The following EVC2 variants were observed in gnomAD, a reference collection of about 807,000 sequenced individuals.
The protein encoded by EVC2 is limbin.
In EVC2, 148 loss-of-function variants were observed where a neutral mutation model predicts 149.3. The observed-to-expected ratio is 0.99, with a 90% CI of 0.87 to 1.14. EVC2 has a LOEUF of 1.14. Ranked by LOEUF, EVC2 falls within the 50% of genes most tolerant of loss-of-function variation. The pLI is 0.00. For synonymous variants in EVC2, 776 were observed against 649.9 expected (o/e 1.19, Z -2.95); for missense variants, 1,854 against 1,627.3 (o/e 1.14, Z -2.40).
chr4:5,592,329 C>T (rs938651854), intron 16 of EVC2, among the ~76,000 whole-genome samples: 1 of 152,196 alleles, frequency 6.6e-6, no homozygotes, highest in Non-Finnish European at 1.5e-5. Flanking sequence ...TCACAAATGC[C>T]CTCCTTGGAG....
intron 9 of EVC2, among the ~76,000 whole-genome samples, chr4:5,647,226 T>C (rs980448086): frequency 6.6e-6 from 1 of 152,140 alleles, no homozygotes; most frequent in African/African-American, 2.4e-5. Flanking sequence ...TCAAGCCTTC[T>C]GGGTAGATGA....
At chr4:5,678,050 C>T (rs573276777) in intron 7 of EVC2, among the ~76,000 whole-genome samples, 1 of 152,332 alleles carries the variant, frequency 6.6e-6, no homozygotes, top group African/African-American at 2.4e-5. Flanking sequence ...TTAACATCTC[C>T]AGCCAGAGAC....
At chr4:5,594,079 G>T (rs1713127121) in intron 16 of EVC2, among the ~76,000 whole-genome samples, 1 of 152,172 alleles carries the variant, frequency 6.6e-6, no homozygotes, top group Non-Finnish European at 1.5e-5. Flanking sequence ...AGCTCAAACT[G>T]GGTGGAGCCC....
intron 21 of EVC2, among the ~76,000 whole-genome samples, chr4:5,564,656 T>C (rs1722156075): frequency 6.6e-6 from 1 of 152,244 alleles, no homozygotes; most frequent in Non-Finnish European, 1.5e-5. Flanking sequence ...CCACATCTTC[T>C]CTAGCTGGAA....
rs187801119 is a variant in EVC2, at chr4:5,576,986, G to A, written c.3058-532C>T. 6.6e-6 allele frequency among the ~76,000 whole-genome samples: 1 copy of A among 152,292 alleles called. No individual in the cohort carries two copies. The highest frequency in any genetic ancestry group is 6.5e-5 in the Admixed American group (1 of 15,300). ...TATGGTGGGGTATCTGCATGCACCC[G>A]GCATGGACGAAAGCCAGGCTGGAAC... On this transcript the variant is annotated intron_variant, in intron 17 of 21. Transcript: ENST00000344408. The surrounding 1 kb of genome is among the most constrained non-coding windows in gnomAD (Gnocchi z 4.5).
chr4:5,563,101 G>A lies in EVC2; in HGVS notation c.3674C>T (p.Thr1225Ile). ...CATCCTCTCTCTGAGAGGGAGACAT[G>A]TCTTCTTTAATATGCTAAAGAAATA... ...RKRKQSILKK[T>I]CLPLRERMIF... The change falls in exon 22 of 22, where the codon ACA becomes ATA. Residue 1225 changes from threonine (T) to isoleucine (I), a missense_variant. Transcript: ENST00000344408. 3 of 1,613,840 alleles carry A rather than the reference G, an allele frequency of 1.9e-6. No individual in the cohort carries two copies. The highest frequency in any genetic ancestry group is 2.5e-6 in the Non-Finnish European group (3 of 1,179,996).
chr4:5,701,310 C>A (rs1721811561), intron 1 of EVC2, among the ~76,000 whole-genome samples: 1 of 152,194 alleles, frequency 6.6e-6, no homozygotes, highest in Admixed American at 6.5e-5. Context: ...ATCAGTTGAT[C>A]AGCAACCTGA....
At chr4:5,675,243 T>C (rs1456756252) in intron 7 of EVC2, among the ~76,000 whole-genome samples, 4 of 152,238 alleles carry the variant, frequency 2.6e-5, no homozygotes, top group African/African-American at 9.6e-5. Flanking sequence ...TGCAACTATG[T>C]GTACCTAAAT....
At chr4:5,645,508 G>A (rs377412580) in intron 9 of EVC2, among the ~76,000 whole-genome samples, 35 of 152,048 alleles carry the variant, frequency 2.3e-4, no homozygotes, top group Admixed American at 3.9e-4. Flanking sequence ...GAGAATACGC[G>A]GTGTTTGGTT....
chr4:5,593,640 G>A (rs6854065), intron 16 of EVC2, among the ~76,000 whole-genome samples: 43,093 of 152,052 alleles, frequency 0.28, 6,931 homozygotes, highest in East Asian at 0.61. Context: ...CAGCGTGAGC[G>A]ACGCACAAGA....
chr4:5,663,373 C>G, intron 8 of EVC2, 127 bp from the exon 9 acceptor site: 4 of 1,260,220 alleles, frequency 3.2e-6, no homozygotes, highest in Non-Finnish European at 4.6e-6. Context: ...ACTGTGACCA[C>G]AGTAAACCCA....
chr4:5,601,594 G>C (rs946160436), intron 16 of EVC2, among the ~76,000 whole-genome samples: 13 of 151,538 alleles, frequency 8.6e-5, no homozygotes, highest in Admixed American at 3.3e-4. Context: ...TTAGAGAATA[G>C]GAGATGTAAT....
chr4:5,694,546 G>GT, intron 2 of EVC2, 45 bp from the exon 3 acceptor site: 1 of 1,611,212 alleles, frequency 6.2e-7, no homozygotes, highest in Non-Finnish European at 8.5e-7. Flanking sequence ...CGGAAAGACA[G>GT]TAAGACATAG....
chr4:5,698,944 G>A (rs573814271), intron 1 of EVC2, among the ~76,000 whole-genome samples: 3 of 152,320 alleles, frequency 2.0e-5, no homozygotes, highest in South Asian at 2.1e-4. Context: ...CAGACACCAC[G>A]GAAACCATAA....
intron 16 of EVC2, 134 bp from the exon 17 acceptor site, chr4:5,584,984 G>A: frequency 1.1e-6 from 1 of 949,272 alleles, no homozygotes; most frequent in Non-Finnish European, 1.6e-6. Flanking sequence ...GAGACGCACT[G>A]GGAACCTGCA....
rs113578727 is a variant in EVC2, at chr4:5,645,743, G to C, written c.1146-4905C>G. On this transcript the variant is annotated intron_variant, in intron 9 of 21. Coordinates refer to ENST00000344408, the MANE Select transcript of EVC2 (RefSeq NM_147127.5). ...AATATACATGTGTATGTGTCTTTAC[G>C]ACAGAATGATTTATAGTCCTTTGGG... 7.3e-3 allele frequency among the ~76,000 whole-genome samples: 1,117 copies of C among 152,196 alleles called. 16 individuals carry two copies. Among genetic ancestry groups the C allele is most frequent in the African/African-American group, 0.026 (1,060 of 41,536 alleles).
intron 9 of EVC2, among the ~76,000 whole-genome samples, chr4:5,660,727 T>A (rs1353254673): frequency 2.0e-5 from 3 of 152,126 alleles, no homozygotes; most frequent in African/African-American, 7.2e-5. Flanking sequence ...CATGACAGTA[T>A]CAAAAGGCTC....
Position 5,567,952 on chromosome 4 carries a change from CG to C in EVC2, c.3557+491del, listed in dbSNP as rs1172756789. Among the ~76,000 whole-genome samples, 1 of 152,228 alleles carries C rather than the reference CG, an allele frequency of 6.6e-6. No individual in the cohort carries two copies. Among genetic ancestry groups the C allele is most frequent in the African/African-American group, 2.4e-5 (1 of 41,452 alleles). The stretch of plus-strand genomic sequence containing the variant: ...AGCGTTAAAAGGTAAGGAGCAAAAT[CG>C]CTTCTGCTGTAAGATTCTGAAATGC... On this transcript the variant is annotated intron_variant, in intron 20 of 21. Coordinates refer to ENST00000344408, the MANE Select transcript of EVC2 (RefSeq NM_147127.5). This position sits in a 1 kb window ranked among gnomAD's most constrained non-coding sequence, Gnocchi z 4.4.
At position 5,640,825 on chromosome 4, in the gene EVC2, T is replaced by C. The variant is rs1206648663; in HGVS notation, c.1159A>G (p.Thr387Ala). 6.2e-7 allele frequency: 1 copy of C among 1,614,128 alleles called. No individual in the cohort carries two copies. Among genetic ancestry groups the C allele is most frequent in the Admixed American group, 1.7e-5 (1 of 60,022 alleles). Residue 387 changes from threonine to alanine, a missense_variant, in exon 10 of 22, where the codon ACC (threonine) becomes GCC (alanine). By Grantham distance (58) the Thr-to-Ala change is moderately conservative. Transcript: ENST00000344408. The surrounding 1 kb of genome is among the most constrained non-coding windows in gnomAD (Gnocchi z 4.6). ...LQALEELEIA[T>A]LNRADADLEA... ...AGATCTGCATCTGCCCGATTCAGGG[T>C]TGCAATCTCCAACCTAGGAAACACA...
Sources: gnomAD v4.1 joint callset for allele counts (sites outside exome capture counted in the v4.1 genomes callset) on GRCh38, gnomAD v4.1.1 for gene constraint, Gnocchi (gnomAD v3.1) non-coding constraint, MANE v1.5 for transcripts, NCBI Gene and HGNC (gene_info 2026-07-23, HGNC 2026-07-21) for gene names.